TXNDC16: variants seen among roughly 807,000 people sequenced by gnomAD.
TXNDC16 encodes thioredoxin domain-containing protein 16.
Under a neutral mutation model 85.6 loss-of-function variants are expected in TXNDC16, and 74 were observed. The observed-to-expected ratio is 0.86, with a 90% CI of 0.72 to 1.05. The LOEUF (loss-of-function observed/expected upper bound fraction) is 1.05. TXNDC16 is among the 50% of genes least tolerant of loss of function. The probability of loss-of-function intolerance (pLI) is 0.00; values close to 1 mark genes in which losing one functional copy is unlikely to be tolerated. For synonymous variants in TXNDC16, 335 were observed against 326.5 expected (o/e 1.03, Z -0.28); for missense variants, 959 against 947.0 (o/e 1.01, Z -0.17).
At chr14:52,488,831 GA>G (rs199871075) in intron 11 of TXNDC16, among the ~76,000 whole-genome samples, 57 of 90,000 alleles carry the variant, frequency 6.3e-4, no homozygotes, top group Admixed American at 1.4e-3. Context: ...GAGACTCTGG[GA>G]AAAAAAAAAA....
intron 18 of TXNDC16, among the ~76,000 whole-genome samples, chr14:52,445,433 A>G (rs889040026): frequency 2.6e-5 from 4 of 152,206 alleles, no homozygotes; most frequent in African/African-American, 7.2e-5. Context: ...AAGACAAAAA[A>G]CCTAACAGGA....
intron 1 of TXNDC16, among the ~76,000 whole-genome samples, chr14:52,552,048 C>T (rs574681940): frequency 2.0e-5 from 3 of 152,334 alleles, no homozygotes; most frequent in East Asian, 3.9e-4. Context: ...GGGTCTTTCA[C>T]TTAAGAGCTC....
At chr14:52,496,418 CT>C (rs200696407) in intron 9 of TXNDC16, among the ~76,000 whole-genome samples, 32,286 of 130,138 alleles carry the variant, frequency 0.25, 4,050 homozygotes, top group African/African-American at 0.35. Context: ...TCCAACTCGT[CT>C]TTTTTTTTTT....
chr14:52,471,851 A>C (rs548672969), intron 14 of TXNDC16, among the ~76,000 whole-genome samples: 37 of 151,734 alleles, frequency 2.4e-4, no homozygotes, highest in African/African-American at 9.0e-4. Flanking sequence ...AGTTCTCTAA[A>C]ATATTATAAA....
At chr14:52,538,654 A>G (rs2037758855) in intron 4 of TXNDC16, among the ~76,000 whole-genome samples, 1 of 152,204 alleles carries the variant, frequency 6.6e-6, no homozygotes, top group South Asian at 2.1e-4. Flanking sequence ...AGAGAAAAAA[A>G]GAATGAAGGG....
At chr14:52,530,402 A>ATTAT (rs2037504271) in intron 6 of TXNDC16, among the ~76,000 whole-genome samples, 1 of 17,162 alleles carries the variant, frequency 5.8e-5, no homozygotes, top group African/African-American at 4.1e-4. Context: ...ATAATATAAT[A>ATTAT]TATAATTATT....
At chr14:52,478,184 C>T (rs1270040336) in intron 14 of TXNDC16, among the ~76,000 whole-genome samples, 2 of 151,990 alleles carry the variant, frequency 1.3e-5, no homozygotes, top group Non-Finnish European at 2.9e-5. Context: ...AAAGGCAGTG[C>T]TAAGAGGAAA....
At chr14:52,524,979 G>A (rs1056098554) in intron 6 of TXNDC16, among the ~76,000 whole-genome samples, 5 of 151,868 alleles carry the variant, frequency 3.3e-5, no homozygotes, top group Admixed American at 6.6e-5. Flanking sequence ...AAAATTAGCC[G>A]GGCATGGTGG....
At chr14:52,506,062 G>A (rs2036791148) in intron 9 of TXNDC16, among the ~76,000 whole-genome samples, 1 of 152,162 alleles carries the variant, frequency 6.6e-6, no homozygotes, top group South Asian at 2.1e-4. Flanking sequence ...AACAGGCTCT[G>A]AAATTGAGGC....
At chr14:52,514,612 T>C (rs2037034860) in intron 8 of TXNDC16, among the ~76,000 whole-genome samples, 1 of 152,192 alleles carries the variant, frequency 6.6e-6, no homozygotes, top group East Asian at 1.9e-4. Flanking sequence ...ATTCCTAAGA[T>C]ATCCCGCTTG....
Position 52,470,649 on chromosome 14 carries a change from G to A in TXNDC16, c.1344C>T (p.Asn448=). The A allele has an allele frequency of 6.2e-7, 1 of 1,610,478 alleles. No homozygotes were observed. Among genetic ancestry groups the A allele is most frequent in the Non-Finnish European group, 8.5e-7 (1 of 1,178,418 alleles). The change falls in exon 15 of 21, where the codon AAC becomes AAT. Residue 448 remains asparagine, a synonymous_variant. Transcript: ENST00000281741. The part of the protein sequence containing the change: ...GTSTMLLTRI[N]CADWSDVCTK... ...TACATACATCAGACCAATCTGCACA[G>A]TTTATTCTAGTAAGAAGCATAGTAG...
chr14:52,526,039 G>C (rs1359207279), intron 6 of TXNDC16, among the ~76,000 whole-genome samples: 1 of 151,478 alleles, frequency 6.6e-6, no homozygotes, highest in African/African-American at 2.4e-5. Flanking sequence ...AAATATTTTT[G>C]ATCCGCTTAT....
intron 18 of TXNDC16, 64 bp downstream of exon 18, chr14:52,455,260 T>C: frequency 6.3e-7 from 1 of 1,583,508 alleles, no homozygotes; most frequent in Non-Finnish European, 8.6e-7. Flanking sequence ...TGTATGAACA[T>C]ATACTACCTT....
At chr14:52,527,625 T>C (rs1036683969) in intron 6 of TXNDC16, among the ~76,000 whole-genome samples, 1 of 152,172 alleles carries the variant, frequency 6.6e-6, no homozygotes, top group Non-Finnish European at 1.5e-5. Context: ...TCTTCAAACC[T>C]TGCTATGTAC....
chr14:52,536,041 CA>C (rs368372083), intron 6 of TXNDC16, among the ~76,000 whole-genome samples: 42 of 145,414 alleles, frequency 2.9e-4, no homozygotes, highest in Non-Finnish European at 4.4e-4. Context: ...AAAACAAAAA[CA>C]AAAAAAAAAC....
chr14:52,518,418 C>G (rs2037134862), intron 7 of TXNDC16, among the ~76,000 whole-genome samples: 1 of 152,160 alleles, frequency 6.6e-6, no homozygotes, highest in Non-Finnish European at 1.5e-5. Flanking sequence ...TCTTCTGAAC[C>G]TCAGTTGCTA....
intron 16 of TXNDC16, among the ~76,000 whole-genome samples, chr14:52,461,095 C>G (rs1052273130): frequency 1.4e-5 from 2 of 147,390 alleles, no homozygotes; most frequent in East Asian, 3.9e-4. Flanking sequence ...TAAATAACTT[C>G]TTTTTTTCTC....
intron 7 of TXNDC16, 48 bp downstream of exon 7, chr14:52,519,124 C>A: frequency 1.9e-6 from 3 of 1,559,316 alleles, no homozygotes; most frequent in South Asian, 1.2e-5. Context: ...CTTCAACATA[C>A]ATAAGTACAG....
chr14:52,462,390 T>A (rs910422757), intron 16 of TXNDC16, among the ~76,000 whole-genome samples: 4 of 152,212 alleles, frequency 2.6e-5, no homozygotes, highest in African/African-American at 9.7e-5. Flanking sequence ...TCTTGGCTCA[T>A]TGCAATCTCC....
Sources: gnomAD v4.1 joint callset for allele counts (sites outside exome capture counted in the v4.1 genomes callset) on GRCh38, gnomAD v4.1.1 for gene constraint, MANE v1.5 for transcripts, NCBI Gene and HGNC (gene_info 2026-07-23, HGNC 2026-07-21) for gene names.